Variants in EPHA4 observed in about 807,000 individuals in gnomAD.
The protein encoded by EPHA4 is EPH receptor A4.
Under a neutral mutation model 108.3 loss-of-function variants are expected in EPHA4, and 19 were observed. That is an observed-to-expected ratio of 0.18 (90% CI 0.12 to 0.26). The LOEUF is 0.26. EPHA4 is among the 10% of genes least tolerant of loss of function. The pLI is 1.00. For synonymous variants in EPHA4, 449 were observed against 455.5 expected, an observed-to-expected ratio of 0.99 and a Z score of 0.18; for missense variants, 917 against 1,254.0, an observed-to-expected ratio of 0.73 and a Z score of 4.06.
chr2:221,418,281 T>C lies in EPHA4; in HGVS notation c.*3091A>G, dbSNP rs1689637901. The C allele has an allele frequency of 6.6e-6, 1 of 152,650 alleles. No homozygotes were observed. The highest frequency in any genetic ancestry group is 1.5e-5 in the Non-Finnish European group (1 of 68,040). 9.5% of individuals were successfully genotyped at this position (152,650 alleles called of 1,614,324 possible). ...CGAACAATGTTCTGTTAATTTCTTA[T>C]TCAGTATGAACTAAATTATAATATG... is the stretch of plus-strand genomic sequence containing the variant. On this transcript the variant is annotated 3_prime_UTR_variant, in exon 18 of 18. Transcript: ENST00000281821.
At chr2:221,573,781 G>C (rs901876847), upstream of EPHA4, 2 of 152,290 alleles carry the variant, frequency 1.3e-5, no homozygotes, top group Non-Finnish European at 2.9e-5. The surrounding 1 kb of genome is among the most constrained non-coding windows in gnomAD (Gnocchi z 4.5). Context: ...ACCCCGCAGA[G>C]AGGTGGTGCG....
intron 3 of EPHA4, among the ~76,000 whole-genome samples, chr2:221,563,314 C>T (rs954253481): frequency 6.6e-6 from 1 of 152,166 alleles, no homozygotes; most frequent in Non-Finnish European, 1.5e-5. Context: ...AGATCATTCA[C>T]GCACTTATGC....
intron 16 of EPHA4, 42 bp downstream of exon 16, chr2:221,426,422 A>T (rs1322185178): frequency 6.4e-7 from 1 of 1,558,972 alleles, no homozygotes; most frequent in South Asian, 1.2e-5. Flanking sequence ...AATACTATTA[A>T]ATCTAGATTT....
In EPHA4 at chr2:221,419,872, C is replaced by T. The variant is rs1370210472; in HGVS notation, c.*1500G>A. 5.2e-5 allele frequency: 8 copies of T among 152,672 alleles called. No individual in the cohort carries two copies. In the East Asian group the frequency reaches 1.5e-3, roughly 30 times the overall value. The allele number at this position is 152,672 out of a possible 1,614,324, so 9.5% of individuals were successfully genotyped here. On this transcript the variant is annotated 3_prime_UTR_variant, in exon 18 of 18. Coordinates refer to ENST00000281821, the MANE Select transcript of EPHA4 (RefSeq NM_004438.5). ...TCTTGAAACTGGTGGAAAACCAGAA[C>T]TCTCCAGGTGTAGCATTCCACAACA...
chr2:221,573,799 G>A (rs887868792), upstream of EPHA4: 2 of 152,258 alleles, frequency 1.3e-5, no homozygotes, highest in Middle Eastern at 3.1e-3. The surrounding 1 kb of genome is among the most constrained non-coding windows in gnomAD (Gnocchi z 4.5). Context: ...GCGTGCGTTT[G>A]GGCGAGCTTT....
rs781434654 is a variant in EPHA4 at position 221,501,148 on chromosome 2, G to C, written c.848C>G (p.Ala283Gly). 2.1e-5 allele frequency: 34 copies of C among 1,607,126 alleles called. No individual in the cohort carries two copies. Among genetic ancestry groups the C allele is most frequent in the Non-Finnish European group, 2.9e-5 (34 of 1,177,494 alleles). Residue 283 changes from alanine (A) to glycine (G), a missense_variant, in exon 4 of 18, where the codon GCT (alanine) becomes GGT (glycine). By Grantham distance (60) the Ala-to-Gly change is moderately conservative. This residue lies in a region of EPHA4 where 758 missense variants were observed against 1,076.7 expected (regional missense o/e 0.70). Coordinates refer to ENST00000281821, the MANE Select transcript of EPHA4 (RefSeq NM_004438.5). ...GGCACAGGTGGCATCCGTGGAGAGA[G>C]CCTTGTAATATCCAATTTTGCAAGC... ...CQACKIGYYK[A>G]LSTDATCAKC...
At chr2:221,520,537 C>G (rs1009263505) in intron 3 of EPHA4, among the ~76,000 whole-genome samples, 1 of 35,978 alleles carries the variant, frequency 2.8e-5, no homozygotes, top group African/African-American at 1.3e-4. Flanking sequence ...CACACACACA[C>G]ACACACAGAG....
chr2:221,510,624 A>T (rs1191928062), intron 3 of EPHA4, among the ~76,000 whole-genome samples: 1 of 152,266 alleles, frequency 6.6e-6, no homozygotes, highest in Non-Finnish European at 1.5e-5. Context: ...TCAGATGAAG[A>T]TGGTTTTCAC....
chr2:221,436,721 C>T lies in EPHA4; in HGVS notation c.2137-113G>A, dbSNP rs978118331. On this transcript the variant is annotated intron_variant, in intron 12 of 17. Coordinates refer to ENST00000281821, the MANE Select transcript of EPHA4 (RefSeq NM_004438.5). ...TATCTGTATCCGGTATGCAATGAAA[C>T]TCAACATTATTTCCAGGCCTTTCTG... 4.6e-6 allele frequency: 5 copies of T among 1,098,130 alleles called. No individual in the cohort carries two copies. In the African/African-American group the frequency reaches 6.2e-5, roughly 14 times the overall value. 68.0% of individuals were successfully genotyped at this position (1,098,130 alleles called of 1,614,324 possible). A position where few individuals can be genotyped will look rare whatever the true frequency, so the allele number is the denominator to read the frequency against.
Position 221,425,966 on chromosome 2 carries a change from C to T in EPHA4, c.*62G>A. On this transcript the variant is annotated 3_prime_UTR_variant, in exon 17 of 18. Coordinates refer to ENST00000281821, the MANE Select transcript of EPHA4 (RefSeq NM_004438.5). ...ACGAAGTAAAAAAAGTGCAGTTCTT[C>T]AATTAAAGTGCATGGATGAGGTAAA... 2 of 1,363,046 alleles carry T rather than the reference C, an allele frequency of 1.5e-6. No individual in the cohort carries two copies. Among genetic ancestry groups the T allele is most frequent in the South Asian group, 1.2e-5 (1 of 82,242 alleles). 84.4% of individuals were successfully genotyped at this position (1,363,046 alleles called of 1,614,324 possible).
intron 4 of EPHA4, among the ~76,000 whole-genome samples, chr2:221,493,855 G>T (rs963151337): frequency 6.6e-6 from 1 of 152,146 alleles, no homozygotes; most frequent in Non-Finnish European, 1.5e-5. Flanking sequence ...CAGGACCTCT[G>T]GTCATAGATC....
chr2:221,571,864 T>C lies in EPHA4; in HGVS notation c.91+294A>G, dbSNP rs557042465. On this transcript the variant is annotated intron_variant, in intron 1 of 17. Coordinates refer to ENST00000281821, the MANE Select transcript of EPHA4 (RefSeq NM_004438.5). This position sits in a 1 kb window ranked among gnomAD's most constrained non-coding sequence, Gnocchi z 6.3. ...AAATCCCGGCGTTGTCTCCCGTGCA[T>C]CCCCTCAGGGCGCCTCGAGCGGGCC... is the stretch of plus-strand genomic sequence containing the variant. Among the ~76,000 whole-genome samples the C allele has an allele frequency of 6.6e-6, 1 of 152,140 alleles. No individual in the cohort carries two copies. The highest frequency in any genetic ancestry group is 1.9e-4 in the East Asian group (1 of 5,144).
chr2:221,573,021 C>T (rs1370713131), upstream of EPHA4: 8 of 152,732 alleles, frequency 5.2e-5, no homozygotes, highest in Non-Finnish European at 8.8e-5. This position sits in a 1 kb window ranked among gnomAD's most constrained non-coding sequence, Gnocchi z 4.5. Context: ...AAGGAAGTCC[C>T]CGCTGGCCCC....
At chr2:221,495,724 C>T (rs1364994268) in intron 4 of EPHA4, among the ~76,000 whole-genome samples, 2 of 152,162 alleles carry the variant, frequency 1.3e-5, no homozygotes, top group Non-Finnish European at 2.9e-5. Context: ...GTGCAAACTT[C>T]CTAGGCAGTT....
intron 17 of EPHA4, 120 bp downstream of exon 17, chr2:221,425,089 A>T (rs914765841): frequency 6.7e-6 from 1 of 150,136 alleles, no homozygotes; most frequent in African/African-American, 2.5e-5. Context: ...AAAAACATCA[A>T]CACAACCTGA....
intron 8 of EPHA4, among the ~76,000 whole-genome samples, chr2:221,449,190 C>T (rs944126793): frequency 6.6e-6 from 1 of 152,082 alleles, no homozygotes; most frequent in Non-Finnish European, 1.5e-5. Flanking sequence ...TTTAGAAATA[C>T]CTGGAAAACA....
At chr2:221,478,785 C>T (rs1691733377) in intron 5 of EPHA4, among the ~76,000 whole-genome samples, 2 of 150,912 alleles carry the variant, frequency 1.3e-5, no homozygotes, top group South Asian at 2.1e-4. Context: ...TTCCAACAAC[C>T]TTAGCAGGGC....
At chr2:221,483,713 C>T (rs1691899439) in intron 4 of EPHA4, among the ~76,000 whole-genome samples, 1 of 152,026 alleles carries the variant, frequency 6.6e-6, no homozygotes, top group African/African-American at 2.4e-5. Flanking sequence ...TTGGCCAGGC[C>T]AGTCTTGAAC....
At position 221,571,514 on chromosome 2, in the gene EPHA4, C is replaced by T. The variant is rs912447406; in HGVS notation, c.91+644G>A. Among the ~76,000 whole-genome samples the T allele has an allele frequency of 5.3e-5, 8 of 152,232 alleles. No individual in the cohort carries two copies. The highest frequency in any genetic ancestry group is 1.2e-4 in the Non-Finnish European group (8 of 68,042). ...CAACTTGCCGGCGGGTTCCCCAAGT[C>T]TGCGGGGCGAAGAGCTCGGGCCCCT... On this transcript the variant is annotated intron_variant, in intron 1 of 17. Coordinates refer to ENST00000281821, the MANE Select transcript of EPHA4 (RefSeq NM_004438.5). The surrounding 1 kb of genome is among the most constrained non-coding windows in gnomAD (Gnocchi z 6.3).
Sources: allele counts gnomAD v4.1 joint callset (sites outside exome capture counted in the v4.1 genomes callset), GRCh38; gene constraint gnomAD v4.1.1; regional missense constraint gnomAD v4.1.1; non-coding constraint Gnocchi (gnomAD v3.1); transcripts MANE v1.5; gene names NCBI Gene and HGNC (gene_info 2026-07-23, HGNC 2026-07-21).